SMARCAL1: variants seen among roughly 807,000 people sequenced by gnomAD.
SMARCAL1 encodes the protein SNF2 related chromatin remodeling annealing helicase 1, also known as ATP-driven annealing helicase.
A neutral mutation model predicts 94.5 loss-of-function variants in SMARCAL1; 58 were observed. That is an observed-to-expected ratio of 0.61 (90% CI 0.50 to 0.76). The LOEUF is 0.76. Among genes scored for constraint, SMARCAL1 ranks in the 30% least tolerant of loss-of-function variants. SMARCAL1 has a pLI of 0.00. For synonymous variants in SMARCAL1, 422 were observed against 455.1 expected (o/e 0.93, Z 0.93); for missense variants, 1,051 against 1,177.9 (o/e 0.89, Z 1.58).
intron 17 of SMARCAL1, among the ~76,000 whole-genome samples, chr2:216,480,877 G>A (rs1198362124): frequency 6.6e-6 from 1 of 152,194 alleles, no homozygotes. Flanking sequence ...AGGAGAGCCT[G>A]GGGGTAAAAA....
At chr2:216,442,246 A>C (rs1332760746) in intron 10 of SMARCAL1, among the ~76,000 whole-genome samples, 1 of 151,858 alleles carries the variant, frequency 6.6e-6, no homozygotes, top group African/African-American at 2.4e-5. Flanking sequence ...GCGAAACCCC[A>C]TCTCTACTAA....
chr2:216,443,067 G>T (rs1694231755), intron 10 of SMARCAL1, among the ~76,000 whole-genome samples: 1 of 152,096 alleles, frequency 6.6e-6, no homozygotes, highest in South Asian at 2.1e-4. Context: ...AAAATGGATT[G>T]TCTTTTCCAG....
At chr2:216,438,748 G>T (rs1694132470) in intron 10 of SMARCAL1, among the ~76,000 whole-genome samples, 1 of 152,162 alleles carries the variant, frequency 6.6e-6, no homozygotes, top group Non-Finnish European at 1.5e-5. Flanking sequence ...GGTCAAGACT[G>T]TTGAGGCTGG....
At chr2:216,465,438 G>A (rs939027079) in intron 13 of SMARCAL1, among the ~76,000 whole-genome samples, 3 of 152,126 alleles carry the variant, frequency 2.0e-5, no homozygotes, top group Admixed American at 2.0e-4. Flanking sequence ...CCAAGGTCAG[G>A]AATTGTCATC....
At position 216,435,339 on chromosome 2, in the gene SMARCAL1, C is replaced by T; in HGVS notation, c.1487C>T (p.Ala496Val). The part of the protein sequence containing the change: ...PSSVRFTWEQ[A>V]FLRWLPSLSP... ...TTTGTTCCCTCCTGTCATCCACAGGCCTTCCTTCGGTGGCTGCCATCTCTG... is the reference window on the plus strand; with the variant it reads ...TTTGTTCCCTCCTGTCATCCACAGGTCTTCCTTCGGTGGCTGCCATCTCTG... Residue 496 changes from alanine (A) to valine (V), a missense_variant and splice_region_variant, in exon 9 of 18, where the codon GCC becomes GTC. Coordinates refer to ENST00000357276, the MANE Select transcript of SMARCAL1 (RefSeq NM_014140.4). The T allele has an allele frequency of 1.2e-6, 2 of 1,614,096 alleles. No homozygotes were observed. The highest frequency in any genetic ancestry group is 1.7e-6 in the Non-Finnish European group (2 of 1,179,992).
intron 12 of SMARCAL1, among the ~76,000 whole-genome samples, chr2:216,460,281 T>C (rs1021831599): frequency 2.6e-5 from 4 of 152,226 alleles, no homozygotes; most frequent in African/African-American, 9.6e-5. Context: ...AGTGTGGCGA[T>C]TCCTCAGGGA....
chr2:216,469,279 C>CTTTT (rs71054477), intron 14 of SMARCAL1, among the ~76,000 whole-genome samples: 13 of 102,988 alleles, frequency 1.3e-4, no homozygotes, highest in East Asian at 5.5e-4. Flanking sequence ...TTAGAGATTT[C>CTTTT]TTTTTTTTTT....
Position 216,432,730 on chromosome 2 carries a change from C to T in SMARCAL1, c.1347C>T (p.Ala449=). 6.2e-7 allele frequency: 1 copy of T among 1,614,114 alleles called. No homozygotes were observed. The highest frequency in any genetic ancestry group is 8.5e-7 in the Non-Finnish European group (1 of 1,180,042). Residue 449 remains alanine (A), a synonymous_variant, in exon 8 of 18, where the codon GCC becomes GCT. Coordinates refer to ENST00000357276, the MANE Select transcript of SMARCAL1 (RefSeq NM_014140.4). ...FQRAGVNFAI[A]KGGRLLLADD... ...TGTCTGCCTTCAGTTTTGCCATAGCCAAAGGAGGCCGCCTGCTGCTCGCTG... is the reference window on the plus strand; with the variant it reads ...TGTCTGCCTTCAGTTTTGCCATAGCTAAAGGAGGCCGCCTGCTGCTCGCTG...
chr2:216,446,192 G>A (rs985466625), intron 10 of SMARCAL1, among the ~76,000 whole-genome samples: 9 of 152,118 alleles, frequency 5.9e-5, no homozygotes, highest in Non-Finnish European at 1.3e-4. Context: ...CATGGGTCAG[G>A]TTGGTGTCTG....
chr2:216,432,724 C>T lies in SMARCAL1; in HGVS notation c.1341C>T (p.Ala447=), dbSNP rs1332855037. 1.2e-6 allele frequency: 2 copies of T among 1,613,986 alleles called. No homozygotes were observed. Among genetic ancestry groups the T allele is most frequent in the East Asian group, 2.2e-5 (1 of 44,850 alleles). ...MPFQRAGVNF[A]IAKGGRLLLA... ...TCACCTTGTCTGCCTTCAGTTTTGC[C>T]ATAGCCAAAGGAGGCCGCCTGCTGC... The change falls in exon 8 of 18, where the codon GCC becomes GCT. Residue 447 remains alanine, a synonymous_variant. Coordinates refer to ENST00000357276, the MANE Select transcript of SMARCAL1 (RefSeq NM_014140.4).
At chr2:216,464,792 T>C in intron 13 of SMARCAL1, 125 bp downstream of exon 13, 1 of 756,834 alleles carries the variant, frequency 1.3e-6, no homozygotes, top group Middle Eastern at 2.3e-4. Context: ...TTATTAAATG[T>C]GCCTTTTGTT....
chr2:216,444,993 T>C (rs1209241706), intron 10 of SMARCAL1, among the ~76,000 whole-genome samples: 1 of 152,240 alleles, frequency 6.6e-6, no homozygotes, highest in African/African-American at 2.4e-5. Context: ...TGTCTGCACA[T>C]GTGAATCATG....
chr2:216,451,192 G>C lies in SMARCAL1; in HGVS notation c.2070+128G>C, dbSNP rs186459526. On this transcript the variant is annotated intron_variant, in intron 12 of 17. Transcript: ENST00000357276. ...CTGTAACCTTTTCCCTCTTCCCTAG[G>C]CAAGAACAGCAAGTCCATTTCATTC... The C allele has an allele frequency of 3.6e-4, 274 of 766,318 alleles. No individual in the cohort carries two copies. In the African/African-American group the frequency reaches 4.3e-3, roughly 12 times the overall value. 47.5% of individuals were successfully genotyped at this position (766,318 alleles called of 1,614,324 possible).
intron 10 of SMARCAL1, among the ~76,000 whole-genome samples, chr2:216,444,958 T>G (rs1479080195): frequency 6.6e-6 from 1 of 152,202 alleles, no homozygotes; most frequent in Non-Finnish European, 1.5e-5. Flanking sequence ...TAAGCCTATC[T>G]TTGAGGGTCA....
At position 216,475,158 on chromosome 2, in the gene SMARCAL1, G is replaced by T; in HGVS notation, c.2245-111G>T. ...TGAAAAGAAAAGCTCTGAAGGCAGG[G>T]GCCTCTGCTGAGCTGGAACCTGGTT... On this transcript the variant is annotated intron_variant, in intron 14 of 17. Transcript: ENST00000357276. The surrounding 1 kb of genome is among the most constrained non-coding windows in gnomAD (Gnocchi z 4.4). 1 of 995,276 alleles carries T rather than the reference G, an allele frequency of 1.0e-6. No individual in the cohort carries two copies. The highest frequency in any genetic ancestry group is 1.6e-6 in the Non-Finnish European group (1 of 639,998). 61.7% of individuals were successfully genotyped at this position (995,276 alleles called of 1,614,324 possible).
chr2:216,439,991 G>A (rs1574461530), intron 10 of SMARCAL1, among the ~76,000 whole-genome samples: 1 of 151,168 alleles, frequency 6.6e-6, no homozygotes, highest in African/African-American at 2.4e-5. Context: ...GCAGTGAGCC[G>A]AGATTGTGCC....
chr2:216,463,841 G>A (rs185627860), intron 12 of SMARCAL1, among the ~76,000 whole-genome samples: 8 of 152,208 alleles, frequency 5.3e-5, no homozygotes, highest in Admixed American at 4.6e-4. Context: ...TCAGAAGTTC[G>A]AGACCAGCCT....
intron 10 of SMARCAL1, among the ~76,000 whole-genome samples, chr2:216,445,364 T>C (rs1297883527): frequency 6.6e-6 from 1 of 152,156 alleles, no homozygotes; most frequent in Non-Finnish European, 1.5e-5. Flanking sequence ...TGCCTCTGCC[T>C]TTTTGATGCC....
chr2:216,469,259 C>T (rs1694904538), intron 14 of SMARCAL1, among the ~76,000 whole-genome samples: 1 of 149,596 alleles, frequency 6.7e-6, no homozygotes, highest in Non-Finnish European at 1.5e-5. Flanking sequence ...ACTTTTTTCT[C>T]AGCATTGTTT....
Sources: gnomAD v4.1 joint callset for allele counts (sites outside exome capture counted in the v4.1 genomes callset) on GRCh38, gnomAD v4.1.1 for gene constraint, Gnocchi (gnomAD v3.1) non-coding constraint, MANE v1.5 for transcripts, NCBI Gene and HGNC (gene_info 2026-07-23, HGNC 2026-07-21) for gene names.